The following KCNAB1 variants were observed in gnomAD, a reference collection of about 807,000 sequenced individuals.
KCNAB1 encodes potassium voltage-gated channel subfamily A regulatory beta subunit 1.
Under a neutral mutation model 64.6 loss-of-function variants are expected in KCNAB1, and 35 were observed. The observed-to-expected ratio is 0.54, with a 90% confidence interval of 0.41 to 0.72. KCNAB1 has a LOEUF of 0.72. KCNAB1 is among the 30% of genes least tolerant of loss of function. KCNAB1 has a pLI of 0.00. For synonymous variants in KCNAB1, 177 were observed against 183.8 expected, an observed-to-expected ratio of 0.96 and a Z score of 0.30; for missense variants, 401 against 512.9, an observed-to-expected ratio of 0.78 and a Z score of 2.11.
At chr3:156,346,572 T>C (rs1490279461) in intron 1 of KCNAB1, among the ~76,000 whole-genome samples, 1 of 152,222 alleles carries the variant, frequency 6.6e-6, no homozygotes, top group Non-Finnish European at 1.5e-5. Flanking sequence ...GTCTCTTAAA[T>C]GCTTTATAAT....
intron 1 of KCNAB1, among the ~76,000 whole-genome samples, chr3:156,179,668 G>A (rs1577678929): frequency 6.6e-6 from 1 of 152,124 alleles, no homozygotes; most frequent in African/African-American, 2.4e-5. Flanking sequence ...GGTAACCCCA[G>A]GCACCAAAGG....
rs577027322 is a variant in KCNAB1 at position 156,526,150 on chromosome 3, A to G, written c.1081+2203A>G. Among the ~76,000 whole-genome samples the G allele has an allele frequency of 5.6e-4, 86 of 152,368 alleles. 1 individual carries two copies. Among genetic ancestry groups the G allele is most frequent in the African/African-American group, 2.0e-3 (84 of 41,590 alleles). On this transcript the variant is annotated intron_variant, in intron 12 of 13. Transcript: ENST00000490337. Reference sequence around the variant, plus strand: ...TACAGCCGCCTATAGTATTCAGTACAGTAACATGCTGTACAGATTTGGAAC... The same window carrying G: ...TACAGCCGCCTATAGTATTCAGTACGGTAACATGCTGTACAGATTTGGAAC...
At chr3:156,436,006 T>C (rs1319819152) in intron 2 of KCNAB1, among the ~76,000 whole-genome samples, 1 of 152,168 alleles carries the variant, frequency 6.6e-6, no homozygotes, top group African/African-American at 2.4e-5. Context: ...GCTGAACCTG[T>C]CAACTCATCA....
chr3:156,382,093 T>C (rs1712205707), intron 1 of KCNAB1: 1 of 152,122 alleles, frequency 6.6e-6, no homozygotes, highest in South Asian at 2.1e-4. Context: ...CCCAACACAC[T>C]GCCCATTCCA....
intron 1 of KCNAB1, among the ~76,000 whole-genome samples, chr3:156,362,932 A>C (rs1051578489): frequency 1.3e-5 from 2 of 152,204 alleles, no homozygotes; most frequent in African/African-American, 4.8e-5. Context: ...AGTTCTCGGA[A>C]CTTTCTGAGG....
intron 1 of KCNAB1, among the ~76,000 whole-genome samples, chr3:156,206,073 C>T (rs1217010469): frequency 6.6e-6 from 1 of 152,202 alleles, no homozygotes; most frequent in African/African-American, 2.4e-5. Context: ...TCACCAAGCC[C>T]ATTTGGGGAG....
chr3:156,459,737 G>T, intron 4 of KCNAB1, 90 bp from the exon 5 acceptor site: 1 of 953,986 alleles, frequency 1.0e-6, no homozygotes. Flanking sequence ...GGCACTGAGA[G>T]TTCAAACAAG....
intron 1 of KCNAB1, among the ~76,000 whole-genome samples, chr3:156,380,751 C>T (rs1038283839): frequency 2.6e-5 from 4 of 152,078 alleles, no homozygotes; most frequent in South Asian, 2.1e-4. Context: ...CTCCCTGAAA[C>T]GTATTAAACA....
chr3:156,439,962 A>T (rs187901294), intron 2 of KCNAB1, among the ~76,000 whole-genome samples: 2 of 152,336 alleles, frequency 1.3e-5, no homozygotes, highest in East Asian at 3.9e-4. Context: ...GAATGGATTC[A>T]TTTAGATTAA....
At chr3:156,450,289 G>C (rs1326605765) in intron 2 of KCNAB1, among the ~76,000 whole-genome samples, 2 of 152,072 alleles carry the variant, frequency 1.3e-5, no homozygotes, top group African/African-American at 4.8e-5. Context: ...ACATCCAAAT[G>C]GTCTGAGACC....
intron 1 of KCNAB1, among the ~76,000 whole-genome samples, chr3:156,378,441 A>G (rs74453208): frequency 0.011 from 1,658 of 152,208 alleles, 32 homozygotes; most frequent in African/African-American, 0.038. Context: ...CTATGCATGC[A>G]TGGTTTGTTT....
At chr3:156,151,676 C>T (rs545848905) in intron 1 of KCNAB1, among the ~76,000 whole-genome samples, 46 of 152,320 alleles carry the variant, frequency 3.0e-4, no homozygotes, top group Admixed American at 4.6e-4. Context: ...CTAAGTTGCA[C>T]ACATCATGGC....
intron 1 of KCNAB1, among the ~76,000 whole-genome samples, chr3:156,392,364 T>G (rs532841883): frequency 7.4e-4 from 112 of 152,354 alleles, no homozygotes; most frequent in African/African-American, 2.5e-3. Flanking sequence ...ATTTGTGTCC[T>G]ATTGTAAAAG....
intron 1 of KCNAB1, among the ~76,000 whole-genome samples, chr3:156,242,983 C>T (rs572882812): frequency 5.3e-5 from 8 of 152,226 alleles, no homozygotes; most frequent in African/African-American, 1.9e-4. Flanking sequence ...AATCTCAGCT[C>T]ACTGCAACCT....
intron 1 of KCNAB1, among the ~76,000 whole-genome samples, chr3:156,309,438 C>T (rs1048032040): frequency 2.6e-5 from 4 of 152,220 alleles, no homozygotes; most frequent in African/African-American, 9.6e-5. Context: ...TAAGCCCATG[C>T]TGTTCATGTT....
intron 1 of KCNAB1, chr3:156,142,984 A>G (rs1326891822): frequency 2.1e-5 from 27 of 1,273,740 alleles, no homozygotes; most frequent in Non-Finnish European, 2.7e-5. Flanking sequence ...GGGCAGGGAC[A>G]CACAACCAAC....
At chr3:156,274,766 C>T (rs983349552) in intron 1 of KCNAB1, among the ~76,000 whole-genome samples, 2 of 152,112 alleles carry the variant, frequency 1.3e-5, no homozygotes, top group Non-Finnish European at 2.9e-5. Context: ...AGGTGTATAA[C>T]TTGATGATTT....
At chr3:156,238,736 G>GTT (rs1717001602) in intron 1 of KCNAB1, among the ~76,000 whole-genome samples, 1 of 152,120 alleles carries the variant, frequency 6.6e-6, no homozygotes, top group Non-Finnish European at 1.5e-5. Context: ...AGCATTGCTT[G>GTT]TTGTGTCATT....
intron 1 of KCNAB1, among the ~76,000 whole-genome samples, chr3:156,126,958 T>C (rs1713694531): frequency 6.6e-6 from 1 of 152,242 alleles, no homozygotes; most frequent in Admixed American, 6.5e-5. Flanking sequence ...GAGATTGTTA[T>C]TGGAGATGCC....
Sources: gnomAD v4.1 joint callset for allele counts (sites outside exome capture counted in the v4.1 genomes callset) on GRCh38, gnomAD v4.1.1 for gene constraint, MANE v1.5 for transcripts, NCBI Gene and HGNC (gene_info 2026-07-23, HGNC 2026-07-21) for gene names.